Variants in RPL26L1 observed in about 807,000 individuals in gnomAD.
The protein encoded by RPL26L1 is ribosomal protein uL24-like.
Under a neutral mutation model 15.2 loss-of-function variants are expected in RPL26L1, and 8 were observed. The observed-to-expected ratio is 0.53, with a 90% CI of 0.31 to 0.95. The LOEUF is 0.95. Among genes scored for constraint, RPL26L1 ranks in the 40% least tolerant of loss-of-function variants. The pLI, the probability that RPL26L1 is intolerant of heterozygous loss-of-function variation, is 0.05. For synonymous variants in RPL26L1, 51 were observed against 65.9 expected, an observed-to-expected ratio of 0.77 and a Z score of 1.09; for missense variants, 146 against 190.9, an observed-to-expected ratio of 0.76 and a Z score of 1.39.
chr5:172,965,509 T>C (rs900276057), intron 2 of RPL26L1, among the ~76,000 whole-genome samples: 1 of 152,226 alleles, frequency 6.6e-6, no homozygotes, highest in African/African-American at 2.4e-5. Context: ...CTCATCACTT[T>C]ACTGTTAATG....
In RPL26L1 at chr5:172,959,760, C is replaced by G. The variant is rs1581603835; in HGVS notation, c.-9-105C>G. Reference sequence around the variant, plus strand: ...TCAGTTGCCTTTTCAGAGGCTACCTCCCCTGTAGAGCCTTTGTTGGGGGAT... The same window carrying G: ...TCAGTTGCCTTTTCAGAGGCTACCTGCCCTGTAGAGCCTTTGTTGGGGGAT... On this transcript the variant is annotated intron_variant, in intron 1 of 3. Transcript: ENST00000265100. 5 of 1,330,502 alleles carry G rather than the reference C, an allele frequency of 3.8e-6. No homozygotes were observed. In the South Asian group the frequency reaches 5.1e-5, roughly 13 times the overall value. 82.4% of individuals were successfully genotyped at this position (1,330,502 alleles called of 1,614,324 possible).
chr5:172,958,259 T>G, upstream of RPL26L1: 7 of 341,118 alleles, frequency 2.1e-5, no homozygotes, highest in South Asian at 1.3e-4. Flanking sequence ...AGCGAAACTC[T>G]ATCTCAAAAA....
Position 172,959,947 on chromosome 5 carries a change from T to C in RPL26L1, c.74T>C (p.Val25Ala). ...RKRHFNAPSH[V>A]RRKIMSSPLS... ...CGTCACTTCAATGCCCCCTCACACG[T>C]GCGCAGGAAGATCATGTCATCCCCG... Residue 25 changes from valine (V) to alanine (A), a missense_variant, in exon 2 of 4, where the codon GTG (valine) becomes GCG (alanine). Physicochemically the swap from Val to Ala is moderately conservative, Grantham distance 64 (BLOSUM62 0). Transcript: ENST00000265100. The C allele has an allele frequency of 6.2e-7, 1 of 1,614,180 alleles. No homozygotes were observed. Among genetic ancestry groups the C allele is most frequent in the Non-Finnish European group, 8.5e-7 (1 of 1,180,024 alleles).
In RPL26L1 at chr5:172,969,518, C is replaced by T. The variant is rs751088171; in HGVS notation, c.415C>T (p.Leu139Phe). The T allele has an allele frequency of 4.8e-5, 78 of 1,613,156 alleles. No individual in the cohort carries two copies. The highest frequency in any genetic ancestry group is 6.3e-5 in the Non-Finnish European group (74 of 1,179,460). ...AGAGAAAGGCAAATATAAAGAAGAA[C>T]TTATTGAGAAAATGCAGGAATAAAT... is the stretch of plus-strand genomic sequence containing the variant. ...GKEKGKYKEE[L>F]IEKMQE The change falls in exon 4 of 4, where the codon CTT (leucine) becomes TTT (phenylalanine). Residue 139 changes from leucine (L) to phenylalanine (F), a missense_variant. Transcript: ENST00000265100.
chr5:172,960,793 A>G (rs915648005), intron 2 of RPL26L1, among the ~76,000 whole-genome samples: 3 of 151,868 alleles, frequency 2.0e-5, no homozygotes, highest in African/African-American at 7.3e-5. Flanking sequence ...TGGAGCACTT[A>G]CCAGAGATTG....
intron 2 of RPL26L1, among the ~76,000 whole-genome samples, chr5:172,967,946 C>T (rs757250980): frequency 3.3e-5 from 5 of 151,568 alleles, no homozygotes; most frequent in Non-Finnish European, 5.9e-5. Context: ...TATATATACA[C>T]ACACACATAC....
intron 1 of RPL26L1, 183 bp from the exon 2 acceptor site, chr5:172,959,682 C>G: frequency 9.4e-7 from 1 of 1,067,078 alleles, no homozygotes; most frequent in Non-Finnish European, 1.3e-6. Context: ...GCGACCTCCA[C>G]ACACGCCTCA....
At chr5:172,965,185 C>CA (rs34474616) in intron 2 of RPL26L1, among the ~76,000 whole-genome samples, 18 of 147,752 alleles carry the variant, frequency 1.2e-4, no homozygotes, top group East Asian at 3.9e-4. Flanking sequence ...GTCTCTGTCT[C>CA]AAAAAAAAAA....
At chr5:172,965,049 T>C (rs1194384298) in intron 2 of RPL26L1, among the ~76,000 whole-genome samples, 1 of 152,228 alleles carries the variant, frequency 6.6e-6, no homozygotes. Context: ...CTGGGCGTGA[T>C]GGCACATGCC....
rs1402885653 is a variant in RPL26L1, at chr5:172,964,281, C to CCTTTTTTTTTTTTTTTTTTTTTTT, written c.169-4178_169-4177insCTTTTTTTTTTTTTTTTTTTTTTT. Among the ~76,000 whole-genome samples, 24 of 99,240 alleles carry CCTTTTTTTTTTTTTTTTTTTTTTT rather than the reference C, an allele frequency of 2.4e-4. 4 individuals carry two copies. Among genetic ancestry groups the CCTTTTTTTTTTTTTTTTTTTTTTT allele is most frequent in the African/African-American group, 2.9e-4 (8 of 27,692 alleles). The allele number at this position is 99,240 out of a possible 152,430, so 65.1% of individuals were successfully genotyped here. ...TGAGCCACAGTGTCTGGCCTGTTGC[C>CCTTTTTTTTTTTTTTTTTTTTTTT]TTTTTTTTTTTTTTTTTTTTTGAGA... On this transcript the variant is annotated intron_variant, in intron 2 of 3. Coordinates refer to ENST00000265100, the MANE Select transcript of RPL26L1 (RefSeq NM_016093.4).
At chr5:172,963,581 A>G (rs989718960) in intron 2 of RPL26L1, among the ~76,000 whole-genome samples, 36 of 152,056 alleles carry the variant, frequency 2.4e-4, no homozygotes, top group Admixed American at 1.6e-3. Flanking sequence ...TCTCCTTTAC[A>G]TAGGTAACTC....
intron 1 of RPL26L1, 141 bp downstream of exon 1, chr5:172,959,609 T>A: frequency 4.8e-6 from 6 of 1,254,448 alleles, no homozygotes; most frequent in Non-Finnish European, 6.1e-6. Flanking sequence ...AACCCTAGCA[T>A]TCCTTCCTCA....
At position 172,966,214 on chromosome 5, in the gene RPL26L1, G is replaced by A. The variant is rs575809446; in HGVS notation, c.169-2245G>A. Among the ~76,000 whole-genome samples the A allele has an allele frequency of 1.0e-3, 158 of 151,566 alleles. 1 individual carries two copies. The highest frequency in any genetic ancestry group is 3.6e-3 in the African/African-American group (149 of 41,362). On this transcript the variant is annotated intron_variant, in intron 2 of 3. Transcript: ENST00000265100. ...GCTGGAGTACAGTGGTGCAAAAACA[G>A]GTTGCTGCAGACTCAACCTCCTGGG...
chr5:172,968,751 G>T, intron 3 of RPL26L1, 152 bp downstream of exon 3: 2 of 484,656 alleles, frequency 4.1e-6, no homozygotes, highest in Non-Finnish European at 6.3e-6. Flanking sequence ...CAAGGATCCA[G>T]ATTTTTCTTC....
intron 1 of RPL26L1, 30 bp from the exon 2 acceptor site, chr5:172,959,835 C>G: frequency 1.2e-6 from 2 of 1,612,242 alleles, no homozygotes; most frequent in Non-Finnish European, 1.7e-6. Flanking sequence ...CTGAGCGCCC[C>G]TTCATTCCGT....
intron 2 of RPL26L1, among the ~76,000 whole-genome samples, chr5:172,963,176 G>T (rs11750339): frequency 1.3e-5 from 2 of 151,954 alleles, no homozygotes; most frequent in Admixed American, 1.3e-4. Context: ...TCAGGAGTTC[G>T]AGACCAGCCT....
chr5:172,956,433 G>A (rs1374400811), upstream of RPL26L1, among the ~76,000 whole-genome samples: 1 of 152,116 alleles, frequency 6.6e-6, no homozygotes, highest in Non-Finnish European at 1.5e-5. Context: ...CTCACTCAGA[G>A]CCTCAGTTTT....
At chr5:172,967,176 C>T (rs538233342) in intron 2 of RPL26L1, among the ~76,000 whole-genome samples, 1 of 150,212 alleles carries the variant, frequency 6.7e-6, no homozygotes, top group South Asian at 2.2e-4. Flanking sequence ...GTTTAATAAG[C>T]TCTTGTGGCT....
chr5:172,957,357 G>A, upstream of RPL26L1: 1 of 442,508 alleles, frequency 2.3e-6, no homozygotes, highest in Non-Finnish European at 4.6e-6. Flanking sequence ...AGCCTTCCCT[G>A]CTCTGCTTGA....
Sources: allele counts gnomAD v4.1 joint callset (sites outside exome capture counted in the v4.1 genomes callset), GRCh38; gene constraint gnomAD v4.1.1; transcripts MANE v1.5; gene names NCBI Gene and HGNC (gene_info 2026-07-23, HGNC 2026-07-21).